TNKS: variants seen among roughly 807,000 people sequenced by gnomAD.
The protein encoded by TNKS is poly [ADP-ribose] polymerase tankyrase-1.
TNKS carries 72 observed loss-of-function variants against 135.8 expected under a neutral mutation model. The observed-to-expected ratio is 0.53, with a 90% CI of 0.44 to 0.64. TNKS has a LOEUF of 0.64. Ranked by LOEUF, TNKS falls within the 30% of genes least tolerant of loss-of-function variation. The pLI, the probability that TNKS is intolerant of heterozygous loss-of-function variation, is 0.00. For synonymous variants in TNKS, 849 were observed against 649.3 expected (o/e 1.31, Z -4.68); for missense variants, 1,769 against 1,674.0 (o/e 1.06, Z -0.99).
At chr8:9,692,881 A>G (rs1803344282) in intron 5 of TNKS, among the ~76,000 whole-genome samples, 1 of 152,212 alleles carries the variant, frequency 6.6e-6, no homozygotes, top group Non-Finnish European at 1.5e-5. Flanking sequence ...TAGCAATGAA[A>G]TATATTTATT....
intron 20 of TNKS, among the ~76,000 whole-genome samples, chr8:9,755,919 C>A (rs1806810403): frequency 6.6e-6 from 1 of 152,152 alleles, no homozygotes; most frequent in Non-Finnish European, 1.5e-5. Flanking sequence ...GTCCTGTTTC[C>A]CATAGATACT....
chr8:9,635,994 G>A (rs1800495350), intron 3 of TNKS, among the ~76,000 whole-genome samples: 1 of 152,190 alleles, frequency 6.6e-6, no homozygotes, highest in African/African-American at 2.4e-5. Context: ...TATTGTACCA[G>A]TGTTACTTGA....
At chr8:9,757,095 G>A (rs1806874908) in intron 20 of TNKS, among the ~76,000 whole-genome samples, 1 of 152,262 alleles carries the variant, frequency 6.6e-6, no homozygotes, top group Non-Finnish European at 1.5e-5. Context: ...TCTTGCCTCA[G>A]CCTCCTGAGT....
At position 9,753,825 on chromosome 8, in the gene TNKS, C is replaced by G. The variant is rs544213408; in HGVS notation, c.3153+1199C>G. 2.6e-5 allele frequency among the ~76,000 whole-genome samples: 4 copies of G among 152,152 alleles called. No individual in the cohort carries two copies. The South Asian group carries it at 8.3e-4, about 31-fold the overall frequency. On this transcript the variant is annotated intron_variant, in intron 20 of 26. Coordinates refer to ENST00000310430, the MANE Select transcript of TNKS (RefSeq NM_003747.3). Reference sequence around the variant, plus strand: ...CCAAAATCTGCCCGTAGGTATAATTCCTTTGTTTTCAGCTTACGCTTACGC... The same window carrying G: ...CCAAAATCTGCCCGTAGGTATAATTGCTTTGTTTTCAGCTTACGCTTACGC...
intron 5 of TNKS, among the ~76,000 whole-genome samples, chr8:9,698,014 T>A (rs1376334703): frequency 6.6e-6 from 1 of 152,134 alleles, no homozygotes; most frequent in Non-Finnish European, 1.5e-5. Flanking sequence ...TGCCTATCAG[T>A]GGTGGATTGG....
At chr8:9,750,149 A>G (rs746687310) in intron 18 of TNKS, among the ~76,000 whole-genome samples, 4 of 152,154 alleles carry the variant, frequency 2.6e-5, no homozygotes, top group African/African-American at 9.7e-5. Context: ...ACCACCTTAG[A>G]GGTTTTTTAA....
chr8:9,765,466 G>T (rs926080914), intron 23 of TNKS, among the ~76,000 whole-genome samples: 1 of 151,758 alleles, frequency 6.6e-6, no homozygotes, highest in East Asian at 1.9e-4. Flanking sequence ...GTGATTTAGA[G>T]GTAACAGCCA....
intron 2 of TNKS, among the ~76,000 whole-genome samples, chr8:9,590,354 T>A (rs184092501): frequency 9.6e-4 from 147 of 152,344 alleles, no homozygotes; most frequent in African/African-American, 2.7e-3. Flanking sequence ...TTAATTCATC[T>A]GAGTTGTGCC....
rs941780466 is a variant in TNKS at position 9,779,477 on chromosome 8, G to C, written c.*2741G>C. The C allele has an allele frequency of 6.6e-6, 1 of 152,088 alleles. No homozygotes were observed. Among genetic ancestry groups the C allele is most frequent in the South Asian group, 2.1e-4 (1 of 4,834 alleles). The allele number at this position is 152,088 out of a possible 1,614,324, so 9.4% of individuals were successfully genotyped here. A position where few individuals can be genotyped will look rare whatever the true frequency, so the allele number is the denominator to read the frequency against. ...GCTCTACCCGAGTTCCAAAACTAAA[G>C]GGCTTCTCCAGACCTGATGGTTCCA... On this transcript the variant is annotated 3_prime_UTR_variant, in exon 27 of 27. Transcript: ENST00000310430.
intron 9 of TNKS, 42 bp from the exon 10 acceptor site, chr8:9,709,913 A>T: frequency 6.8e-7 from 1 of 1,470,280 alleles, no homozygotes; most frequent in Non-Finnish European, 9.5e-7. Context: ...TACTGTACAT[A>T]TGGAAGTGTA....
At chr8:9,587,954 G>T (rs552897902) in intron 2 of TNKS, among the ~76,000 whole-genome samples, 1 of 152,290 alleles carries the variant, frequency 6.6e-6, no homozygotes, top group East Asian at 1.9e-4. Context: ...AATGCTTAAA[G>T]ATTTGGTCAC....
intron 3 of TNKS, among the ~76,000 whole-genome samples, chr8:9,647,867 G>C (rs9650636): frequency 0.83 from 126,163 of 152,174 alleles, 52,675 homozygotes; most frequent in Non-Finnish European, 0.88. Flanking sequence ...CACAAACCTA[G>C]ATGGTATAGC....
intron 1 of TNKS, among the ~76,000 whole-genome samples, chr8:9,567,697 C>G (rs369028907): frequency 2.9e-4 from 44 of 152,198 alleles, no homozygotes; most frequent in Non-Finnish European, 4.6e-4. Context: ...GATTACAGGC[C>G]TGAGCCACCG....
At chr8:9,639,306 A>C (rs1442673137) in intron 3 of TNKS, among the ~76,000 whole-genome samples, 1 of 152,158 alleles carries the variant, frequency 6.6e-6, no homozygotes, top group Non-Finnish European at 1.5e-5. Context: ...CACATTTACA[A>C]ACTGTCAGTT....
In TNKS at chr8:9,767,621, C is replaced by T. The variant is rs576552849; in HGVS notation, c.3740+1196C>T. 1.4e-3 allele frequency among the ~76,000 whole-genome samples: 207 copies of T among 152,188 alleles called. 1 individual carries two copies. Among genetic ancestry groups the T allele is most frequent in the South Asian group, 4.0e-3 (19 of 4,808 alleles). On this transcript the variant is annotated intron_variant, in intron 25 of 26. Transcript: ENST00000310430. Reference sequence around the variant, plus strand: ...CATTTGGAGTCGGATGTCATATACCCGGAAGGAAACTTCCTTCCATTAAGA... The same window carrying T: ...CATTTGGAGTCGGATGTCATATACCTGGAAGGAAACTTCCTTCCATTAAGA...
At chr8:9,672,711 C>CACAA (rs1399922732) in intron 3 of TNKS, among the ~76,000 whole-genome samples, 1,474 of 85,078 alleles carry the variant, frequency 0.017, 51 homozygotes, top group East Asian at 0.067. Context: ...CACACACACA[C>CACAA]AAAAAAAAAA....
intron 2 of TNKS, 139 bp from the exon 3 acceptor site, chr8:9,615,443 C>CT: frequency 1.6e-6 from 1 of 623,706 alleles, no homozygotes; most frequent in Non-Finnish European, 2.5e-6. Context: ...TGCTTTTTTG[C>CT]TTTTTTTCTT....
rs1807151632 is a variant in TNKS at position 9,761,616 on chromosome 8, G to C, written c.3254G>C (p.Arg1085Thr). The C allele has an allele frequency of 6.3e-7, 1 of 1,591,834 alleles. No individual in the cohort carries two copies. Among genetic ancestry groups the C allele is most frequent in the Non-Finnish European group, 8.5e-7 (1 of 1,174,380 alleles). Reference sequence around the variant, plus strand: ...CACAAATTAATCAAAGGAGTAGAAAGACTCTTAGGTGGACAACAAGGTAAG... The same window carrying C: ...CACAAATTAATCAAAGGAGTAGAAACACTCTTAGGTGGACAACAAGGTAAG... ...HRHKLIKGVE[R>T]LLGGQQGTNP... Residue 1085 changes from arginine (R) to threonine (T), a missense_variant, in exon 21 of 27, where the codon AGA becomes ACA. Coordinates refer to ENST00000310430, the MANE Select transcript of TNKS (RefSeq NM_003747.3).
At chr8:9,607,536 A>G (rs1799276049) in intron 2 of TNKS, among the ~76,000 whole-genome samples, 1 of 152,202 alleles carries the variant, frequency 6.6e-6, no homozygotes, top group African/African-American at 2.4e-5. Flanking sequence ...ACTCTGTAAC[A>G]TCACAATCCA....
Sources: allele counts gnomAD v4.1 joint callset (sites outside exome capture counted in the v4.1 genomes callset), GRCh38; gene constraint gnomAD v4.1.1; transcripts MANE v1.5; gene names NCBI Gene and HGNC (gene_info 2026-07-23, HGNC 2026-07-21).